RABGAP1L: variants seen among roughly 807,000 people sequenced by gnomAD.
RABGAP1L encodes the protein rab GTPase-activating protein 1-like.
Under a neutral mutation model 137.7 loss-of-function variants are expected in RABGAP1L, and 63 were observed. The observed-to-expected ratio is 0.46, with a 90% CI of 0.37 to 0.56. The LOEUF (loss-of-function observed/expected upper bound fraction) is 0.56, where lower values mean the gene tolerates loss of function less well. RABGAP1L is among the 20% of genes least tolerant of loss of function. The pLI, the probability that RABGAP1L is intolerant of heterozygous loss-of-function variation, is 0.00. For synonymous variants in RABGAP1L, 431 were observed against 433.7 expected (o/e 0.99, Z 0.08); for missense variants, 1,095 against 1,244.0 (o/e 0.88, Z 1.80).
chr1:174,386,280 T>G (rs1471639399), intron 12 of RABGAP1L, among the ~76,000 whole-genome samples: 3 of 152,214 alleles, frequency 2.0e-5, no homozygotes, highest in African/African-American at 7.2e-5. Flanking sequence ...TATTATATCT[T>G]CATTTTAGAG....
chr1:174,463,552 C>A (rs1286628735), intron 13 of RABGAP1L, among the ~76,000 whole-genome samples: 2 of 151,904 alleles, frequency 1.3e-5, no homozygotes, highest in Non-Finnish European at 1.5e-5. Flanking sequence ...AGGAGATATA[C>A]CTAATGCTAA....
chr1:174,374,017 G>A (rs768988413), intron 12 of RABGAP1L, among the ~76,000 whole-genome samples: 2 of 152,090 alleles, frequency 1.3e-5, no homozygotes, highest in Admixed American at 6.6e-5. Flanking sequence ...TTTATTAGGA[G>A]CACTGATAAG....
intron 13 of RABGAP1L, among the ~76,000 whole-genome samples, chr1:174,432,333 A>G (rs1235348486): frequency 1.3e-5 from 2 of 152,094 alleles, no homozygotes; most frequent in Non-Finnish European, 2.9e-5. Flanking sequence ...TCTGTGTACC[A>G]CATTTCTTTG....
chr1:174,459,532 C>T (rs1656432479), intron 13 of RABGAP1L, among the ~76,000 whole-genome samples: 1 of 152,082 alleles, frequency 6.6e-6, no homozygotes, highest in Non-Finnish European at 1.5e-5. Flanking sequence ...CTTCCATATA[C>T]TTTAAATTAT....
At chr1:174,422,072 G>A (rs952257834) in intron 13 of RABGAP1L, among the ~76,000 whole-genome samples, 6 of 152,082 alleles carry the variant, frequency 3.9e-5, no homozygotes, top group African/African-American at 1.4e-4. Flanking sequence ...CCCAGCCTCT[G>A]ATGAAAGTTT....
chr1:174,580,210 G>A (rs967593888), intron 13 of RABGAP1L, among the ~76,000 whole-genome samples: 3 of 152,186 alleles, frequency 2.0e-5, no homozygotes, highest in Non-Finnish European at 2.9e-5. Flanking sequence ...CTAGAGAAGA[G>A]GAAATTTGCA....
chr1:174,555,458 G>A (rs1666812191), intron 13 of RABGAP1L, among the ~76,000 whole-genome samples: 1 of 152,100 alleles, frequency 6.6e-6, no homozygotes, highest in African/African-American at 2.4e-5. Flanking sequence ...TATATGTAGT[G>A]TTGTAAGTAT....
chr1:174,270,607 A>T (rs889536624), intron 7 of RABGAP1L, among the ~76,000 whole-genome samples: 4 of 151,906 alleles, frequency 2.6e-5, no homozygotes, highest in Admixed American at 6.6e-5. Context: ...AATAAAAATT[A>T]AAAAAAATCT....
chr1:174,701,234 C>T (rs1679621848), intron 16 of RABGAP1L: 17 of 1,262,636 alleles, frequency 1.3e-5, no homozygotes, highest in Non-Finnish European at 1.6e-5. Flanking sequence ...AATAAAGTTA[C>T]CATAAAGGCA....
intron 18 of RABGAP1L, among the ~76,000 whole-genome samples, chr1:174,770,663 T>G (rs886465110): frequency 6.6e-6 from 1 of 152,236 alleles, no homozygotes; most frequent in African/African-American, 2.4e-5. Flanking sequence ...AGTACTCATT[T>G]AAGCTTCCAT....
intron 13 of RABGAP1L, among the ~76,000 whole-genome samples, chr1:174,486,988 CT>C (rs1456063544): frequency 6.6e-6 from 1 of 152,074 alleles, no homozygotes; most frequent in Non-Finnish European, 1.5e-5. Context: ...TGGTTAGACA[CT>C]TGATATTTTT....
intron 19 of RABGAP1L, among the ~76,000 whole-genome samples, chr1:174,923,095 A>G (rs540548164): frequency 6.6e-6 from 1 of 151,648 alleles, no homozygotes; most frequent in East Asian, 1.9e-4. Context: ...CTGCAGAACT[A>G]CGGACACATC....
intron 12 of RABGAP1L, among the ~76,000 whole-genome samples, chr1:174,380,106 A>G (rs1028271190): frequency 1.3e-5 from 2 of 150,794 alleles, no homozygotes; most frequent in Non-Finnish European, 2.9e-5. Context: ...ATTTGCGTAT[A>G]TTGAACCAGC....
intron 18 of RABGAP1L, among the ~76,000 whole-genome samples, chr1:174,771,982 G>A (rs1373056396): frequency 2.6e-5 from 4 of 151,714 alleles, no homozygotes; most frequent in South Asian, 2.1e-4. Flanking sequence ...GGTGGATCAC[G>A]AGGTCAGAAG....
chr1:174,370,177 A>G (rs1037300291), intron 11 of RABGAP1L, among the ~76,000 whole-genome samples: 3 of 152,180 alleles, frequency 2.0e-5, no homozygotes, highest in African/African-American at 7.2e-5. Flanking sequence ...ATTTTCAGCT[A>G]TCTTATTTTA....
chr1:174,866,269 A>T (rs1651232504), intron 19 of RABGAP1L, among the ~76,000 whole-genome samples: 1 of 152,164 alleles, frequency 6.6e-6, no homozygotes, highest in South Asian at 2.1e-4. Flanking sequence ...ATATAAAAAC[A>T]TATTTTAGAT....
intron 1 of RABGAP1L, among the ~76,000 whole-genome samples, chr1:174,209,457 G>C (rs1668720205): frequency 6.6e-6 from 1 of 152,206 alleles, no homozygotes; most frequent in African/African-American, 2.4e-5. Context: ...CAGTAGCTTG[G>C]AAGTATACCA....
intron 19 of RABGAP1L, among the ~76,000 whole-genome samples, chr1:174,901,434 C>A (rs531686192): frequency 6.6e-6 from 1 of 152,254 alleles, no homozygotes; most frequent in East Asian, 1.9e-4. Context: ...AAGGGAGAAG[C>A]CCCCCTTATA....
chr1:174,417,952 A>G (rs1490056696), intron 13 of RABGAP1L, among the ~76,000 whole-genome samples: 1 of 152,200 alleles, frequency 6.6e-6, no homozygotes, highest in African/African-American at 2.4e-5. Flanking sequence ...TTGGAGCATA[A>G]TATCATAGAG....
Sources: allele counts gnomAD v4.1 joint callset (sites outside exome capture counted in the v4.1 genomes callset), GRCh38; gene constraint gnomAD v4.1.1; transcripts MANE v1.5; gene names NCBI Gene and HGNC (gene_info 2026-07-23, HGNC 2026-07-21).